POC1A: variants seen among roughly 807,000 people sequenced by gnomAD.
The protein encoded by POC1A is POC1 centriolar protein A, also known as POC1 centriolar protein homolog A.
In POC1A, 34 loss-of-function variants were observed where a neutral mutation model predicts 47.8. The observed-to-expected ratio is 0.71, with a 90% CI of 0.54 to 0.95. The LOEUF (loss-of-function observed/expected upper bound fraction) is 0.95. Among genes scored for constraint, POC1A ranks in the 40% least tolerant of loss-of-function variants. POC1A has a pLI of 0.00. For missense variants in POC1A, 466 were observed against 528.3 expected (o/e 0.88, Z 1.16); for synonymous variants, 177 against 207.6 (o/e 0.85, Z 1.27).
intron 7 of POC1A, among the ~76,000 whole-genome samples, chr3:52,132,623 C>A (rs1291753230): frequency 6.6e-6 from 1 of 152,138 alleles, no homozygotes; most frequent in Non-Finnish European, 1.5e-5. Context: ...CCCTTTATCA[C>A]CCAGAGTCCC....
At chr3:52,147,872 C>T (rs141575404) in intron 4 of POC1A, among the ~76,000 whole-genome samples, 2 of 152,214 alleles carry the variant, frequency 1.3e-5, no homozygotes, top group East Asian at 3.9e-4. Context: ...CAAATAGCCC[C>T]TCTCCCATCC....
At chr3:52,128,246 C>A (rs1704082359) in intron 7 of POC1A, among the ~76,000 whole-genome samples, 1 of 152,166 alleles carries the variant, frequency 6.6e-6, no homozygotes, top group South Asian at 2.1e-4. Context: ...TGTCATGACT[C>A]AACCACCAGA....
At chr3:52,092,768 T>TATAAAAAAGGCTTTC (rs1431597426) in intron 10 of POC1A, among the ~76,000 whole-genome samples, 1 of 152,212 alleles carries the variant, frequency 6.6e-6, no homozygotes, top group Non-Finnish European at 1.5e-5. Flanking sequence ...GTATGGATTT[T>TATAAAAAAGGCTTTC]ATAAAAAAGG....
Position 52,138,252 on chromosome 3 carries a change from G to T in POC1A, c.730C>A (p.Leu244Met). The T allele has an allele frequency of 6.2e-7, 1 of 1,614,156 alleles. No individual in the cohort carries two copies. Among genetic ancestry groups the T allele is most frequent in the Non-Finnish European group, 8.5e-7 (1 of 1,179,986 alleles). Residue 244 changes from leucine to methionine, a missense_variant, in exon 7 of 11, where the codon CTG (leucine) becomes ATG (methionine). Coordinates refer to ENST00000296484, the MANE Select transcript of POC1A (RefSeq NM_015426.5). ...GTTGAGTCACTGGAGGCTGTGATCAGGTAGTTTCCCGACGGGTGGAAAGAG... is the reference window on the plus strand; with the variant it reads ...GTTGAGTCACTGGAGGCTGTGATCATGTAGTTTCCCGACGGGTGGAAAGAG... Reference protein sequence around the residue: ...GLSFHPSGNYLITASSDSTLK... With the variant: ...GLSFHPSGNYMITASSDSTLK...
intron 7 of POC1A, among the ~76,000 whole-genome samples, chr3:52,131,505 A>G (rs1223522908): frequency 6.6e-6 from 1 of 152,118 alleles, no homozygotes; most frequent in Non-Finnish European, 1.5e-5. Flanking sequence ...GACTTTCCAG[A>G]GCCTCAAATA....
intron 9 of POC1A, among the ~76,000 whole-genome samples, chr3:52,115,908 C>T (rs1703547323): frequency 6.6e-6 from 1 of 152,150 alleles, no homozygotes; most frequent in Non-Finnish European, 1.5e-5. Flanking sequence ...TGAGAAAATA[C>T]TTAACCAGTA....
In POC1A at chr3:52,132,824, C is replaced by T. The variant is rs374015366; in HGVS notation, c.813+5345G>A. ...CTTTGGGAGACCAAGGAAGGCAGAT[C>T]ACTTGAGGTCAGGAGTTCGAGACCA... On this transcript the variant is annotated intron_variant, in intron 7 of 10. Coordinates refer to ENST00000296484, the MANE Select transcript of POC1A (RefSeq NM_015426.5). Among the ~76,000 whole-genome samples the T allele has an allele frequency of 1.8e-4, 27 of 152,236 alleles. 1 individual carries two copies. The South Asian group carries it at 5.2e-3, about 29-fold the overall frequency.
intron 10 of POC1A, among the ~76,000 whole-genome samples, chr3:52,086,322 C>A (rs1702455375): frequency 6.6e-6 from 1 of 152,236 alleles, no homozygotes; most frequent in Non-Finnish European, 1.5e-5. Context: ...CTGTGCTGCA[C>A]TGAATGTCTA....
chr3:52,131,937 T>C (rs1379068698), intron 7 of POC1A, among the ~76,000 whole-genome samples: 1 of 152,040 alleles, frequency 6.6e-6, no homozygotes. Flanking sequence ...ATGGACCCGT[T>C]TTTCTAACAA....
chr3:52,075,870 G>T lies in POC1A; in HGVS notation c.*17C>A. The stretch of plus-strand genomic sequence containing the variant: ...CCACCTGCAAATCCACCGAGCTCCT[G>T]ATTCCTGCTCCCCTGATCATGGTGT... On this transcript the variant is annotated 3_prime_UTR_variant, in exon 11 of 11. Coordinates refer to ENST00000296484, the MANE Select transcript of POC1A (RefSeq NM_015426.5). 6.3e-7 allele frequency: 1 copy of T among 1,594,784 alleles called. No homozygotes were observed. The highest frequency in any genetic ancestry group is 8.6e-7 in the Non-Finnish European group (1 of 1,162,708).
intron 10 of POC1A, among the ~76,000 whole-genome samples, chr3:52,088,551 G>A (rs927740562): frequency 6.6e-6 from 1 of 152,122 alleles, no homozygotes. Flanking sequence ...TGCTGTGGTG[G>A]TGCCTCATTC....
rs767298845 is a variant in POC1A, at chr3:52,149,382, C to T, written c.283G>A (p.Glu95Lys). ...VRIWVPNVKG[E>K]STVFRAHTAT... ...GTGTGTGCACGAAACACAGTGGACTCACCTTTGCTACAAGGACAGGCATCC... is the reference window on the plus strand; with the variant it reads ...GTGTGTGCACGAAACACAGTGGACTTACCTTTGCTACAAGGACAGGCATCC... The change falls in exon 4 of 11, where the codon GAG becomes AAG. Residue 95 changes from glutamate to lysine, a missense_variant. Glu to Lys is a moderately conservative substitution (Grantham distance 56, BLOSUM62 1). Coordinates refer to ENST00000296484, the MANE Select transcript of POC1A (RefSeq NM_015426.5). The T allele has an allele frequency of 2.5e-6, 4 of 1,613,876 alleles. No homozygotes were observed. In the South Asian group the frequency reaches 4.4e-5, roughly 18 times the overall value.
At chr3:52,146,881 G>A (rs1166144015) in intron 5 of POC1A, 107 bp downstream of exon 5, 8 of 874,656 alleles carry the variant, frequency 9.1e-6, no homozygotes, top group Non-Finnish European at 1.5e-5. Flanking sequence ...TGATAAGGCT[G>A]CTGGTCCCAC....
chr3:52,121,711 C>T (rs1703787950), intron 9 of POC1A, among the ~76,000 whole-genome samples: 2 of 152,184 alleles, frequency 1.3e-5, no homozygotes, highest in African/African-American at 4.8e-5. Flanking sequence ...AAGCCTGTGG[C>T]CATAGGAGCT....
chr3:52,148,936 C>T (rs897110103), intron 4 of POC1A, among the ~76,000 whole-genome samples: 1 of 152,220 alleles, frequency 6.6e-6, no homozygotes, highest in African/African-American at 2.4e-5. Context: ...CCTGTTGACC[C>T]AGTTTGTGCT....
intron 6 of POC1A, among the ~76,000 whole-genome samples, chr3:52,142,326 G>C (rs1292846577): frequency 6.6e-6 from 1 of 152,186 alleles, no homozygotes; most frequent in African/African-American, 2.4e-5. Flanking sequence ...CACTCCCAGG[G>C]CTCCACCAGC....
intron 10 of POC1A, among the ~76,000 whole-genome samples, chr3:52,091,695 A>G (rs1293884396): frequency 6.6e-6 from 1 of 152,138 alleles, no homozygotes; most frequent in Non-Finnish European, 1.5e-5. Flanking sequence ...CGGTATGGGG[A>G]CTGTGGAATG....
At chr3:52,146,078 A>G in intron 5 of POC1A, 117 bp from the exon 6 acceptor site, 2 of 634,866 alleles carry the variant, frequency 3.2e-6, no homozygotes, top group South Asian at 3.7e-5. Flanking sequence ...CCCTTGACCC[A>G]GACACCTCCT....
intron 5 of POC1A, 61 bp downstream of exon 5, chr3:52,146,927 G>T: frequency 1.5e-6 from 2 of 1,376,178 alleles, no homozygotes; most frequent in South Asian, 1.2e-5. Flanking sequence ...GCCTCCTCAT[G>T]CCCAGGTCTG....
Sources: gnomAD v4.1 joint callset for allele counts (sites outside exome capture counted in the v4.1 genomes callset) on GRCh38, gnomAD v4.1.1 for gene constraint, MANE v1.5 for transcripts, NCBI Gene and HGNC (gene_info 2026-07-23, HGNC 2026-07-21) for gene names.